CDH12: variants seen among roughly 807,000 people sequenced by gnomAD.
CDH12 encodes the protein cadherin-12.
In CDH12, 41 loss-of-function variants were observed where a neutral mutation model predicts 74.1. The observed-to-expected ratio is 0.55, with a 90% CI of 0.43 to 0.72. CDH12 has a LOEUF of 0.72. CDH12 is among the 30% of genes least tolerant of loss of function. The pLI is 0.00. For synonymous variants in CDH12, 399 were observed against 355.0 expected (o/e 1.12, Z -1.39); for missense variants, 945 against 977.2 (o/e 0.97, Z 0.44).
At chr5:22,326,987 T>C (rs1338930956) in intron 3 of CDH12, among the ~76,000 whole-genome samples, 2 of 152,194 alleles carry the variant, frequency 1.3e-5, no homozygotes, top group African/African-American at 2.4e-5. Context: ...CATTTTCTAA[T>C]TAGTAGAGAA....
chr5:22,316,435 C>A (rs1738637320), intron 3 of CDH12, among the ~76,000 whole-genome samples: 1 of 152,054 alleles, frequency 6.6e-6, no homozygotes, highest in Admixed American at 6.5e-5. Context: ...TCACTCAGTT[C>A]CATATAATGC....
At chr5:22,171,129 T>A (rs912507840) in intron 4 of CDH12, among the ~76,000 whole-genome samples, 2 of 151,876 alleles carry the variant, frequency 1.3e-5, no homozygotes, top group Non-Finnish European at 1.5e-5. Context: ...CTGAACAGCA[T>A]CATTGACAAG....
chr5:22,705,499 GCA>G lies in CDH12; in HGVS notation c.-523+147557_-523+147558del, dbSNP rs5866587. On this transcript the variant is annotated intron_variant, in intron 1 of 14. Coordinates refer to ENST00000382254, the MANE Select transcript of CDH12 (RefSeq NM_004061.5). ...GTTTCATTAAGAAATCAACACACAT[GCA>G]CACACACACACACACACACACACAC... Among the ~76,000 whole-genome samples the G allele has an allele frequency of 5.0e-3, 723 of 143,550 alleles. 6 individuals are homozygous for G. The highest frequency in any genetic ancestry group is 0.034 in the East Asian group (162 of 4,742). The allele number at this position is 143,550 out of a possible 152,430, so 94.2% of individuals were successfully genotyped here.
At chr5:22,606,693 A>G (rs928107762) in intron 1 of CDH12, among the ~76,000 whole-genome samples, 4 of 152,154 alleles carry the variant, frequency 2.6e-5, no homozygotes, top group Non-Finnish European at 4.4e-5. Context: ...GCAGTTCTTT[A>G]TATCAGCATG....
intron 4 of CDH12, among the ~76,000 whole-genome samples, chr5:22,103,870 T>C (rs948061974): frequency 1.3e-5 from 2 of 152,220 alleles, no homozygotes; most frequent in African/African-American, 2.4e-5. Context: ...AATGACACTA[T>C]GTAAGTAAAG....
chr5:22,225,210 C>T (rs1752154425), intron 3 of CDH12, among the ~76,000 whole-genome samples: 1 of 151,994 alleles, frequency 6.6e-6, no homozygotes, highest in South Asian at 2.1e-4. Context: ...ACTATATTTT[C>T]TTAGAATGAT....
Position 22,377,611 on chromosome 5 carries a change from C to A in CDH12, c.-333+27646G>T, listed in dbSNP as rs1346001442. On this transcript the variant is annotated intron_variant, in intron 3 of 14. Transcript: ENST00000382254. ...AGATCTGCAACTCCCCTCTCTCTGA[C>A]ATTCCTTCCTGGGCATCTGGATTCC... Among the ~76,000 whole-genome samples, 4 of 152,216 alleles carry A rather than the reference C, an allele frequency of 2.6e-5. No individual in the cohort carries two copies. The South Asian group carries it at 8.3e-4, about 31-fold the overall frequency.
chr5:22,285,840 G>A (rs1391970014), intron 3 of CDH12, among the ~76,000 whole-genome samples: 1 of 151,992 alleles, frequency 6.6e-6, no homozygotes, highest in Non-Finnish European at 1.5e-5. Context: ...TGAGAGCCCC[G>A]TGTATCAGGC....
At chr5:22,024,768 C>CT (rs1452413880) in intron 5 of CDH12, among the ~76,000 whole-genome samples, 1 of 152,146 alleles carries the variant, frequency 6.6e-6, no homozygotes, top group Non-Finnish European at 1.5e-5. Context: ...CCTGCCTCTG[C>CT]TTCCCAAAGT....
At position 22,180,210 on chromosome 5, in the gene CDH12, T is replaced by G. The variant is rs181344542; in HGVS notation, c.-187+32288A>C. Among the ~76,000 whole-genome samples the G allele has an allele frequency of 3.6e-3, 549 of 152,298 alleles. 6 individuals carry two copies. The highest frequency in any genetic ancestry group is 0.012 in the African/African-American group (518 of 41,564). ...ATTCGACTGCCTCATTTTGCTTTTT[T>G]TCCTACCTAACTCACCCTACAGCCA... On this transcript the variant is annotated intron_variant, in intron 4 of 14. Transcript: ENST00000382254.
intron 6 of CDH12, among the ~76,000 whole-genome samples, chr5:21,927,695 G>C (rs1754649139): frequency 6.6e-6 from 1 of 152,030 alleles, no homozygotes; most frequent in Non-Finnish European, 1.5e-5. Context: ...TTACTAGAGG[G>C]AAAGAACTGG....
chr5:21,904,670 C>T lies in CDH12; in HGVS notation c.527-49880G>A, dbSNP rs192166069. 3.2e-4 allele frequency among the ~76,000 whole-genome samples: 48 copies of T among 152,144 alleles called. No individual in the cohort carries two copies. In the East Asian group the frequency reaches 9.3e-3, roughly 29 times the overall value. On this transcript the variant is annotated intron_variant, in intron 6 of 14. Coordinates refer to ENST00000382254, the MANE Select transcript of CDH12 (RefSeq NM_004061.5). ...TGGCATGTGCCTGTAGTCCTAGCTA[C>T]TTGGGAGGCTGAGACAAAAGGATTG...
At chr5:22,041,495 C>A (rs114426753) in intron 5 of CDH12, among the ~76,000 whole-genome samples, 1,954 of 152,148 alleles carry the variant, frequency 0.013, 18 homozygotes, top group South Asian at 0.023. Flanking sequence ...GTATTCCATG[C>A]AAATGATAAG....
intron 1 of CDH12, among the ~76,000 whole-genome samples, chr5:22,797,327 G>A (rs928379101): frequency 1.3e-5 from 2 of 151,942 alleles, no homozygotes; most frequent in Non-Finnish European, 2.9e-5. Flanking sequence ...GGACTGCTCA[G>A]CCTCCAGAAT....
intron 7 of CDH12, among the ~76,000 whole-genome samples, chr5:21,849,857 GT>G (rs977958770): frequency 2.7e-4 from 41 of 151,760 alleles, no homozygotes; most frequent in African/African-American, 8.2e-4. Flanking sequence ...GCACTTTCAT[GT>G]TTATTGCAAC....
At chr5:22,359,183 C>A (rs1740692459) in intron 3 of CDH12, among the ~76,000 whole-genome samples, 1 of 152,058 alleles carries the variant, frequency 6.6e-6, no homozygotes, top group African/African-American at 2.4e-5. Context: ...TTCAGGAAAC[C>A]CATTTCATGT....
chr5:22,269,560 C>T (rs1386862827), intron 3 of CDH12, among the ~76,000 whole-genome samples: 1 of 152,084 alleles, frequency 6.6e-6, no homozygotes, highest in African/African-American at 2.4e-5. Flanking sequence ...GAGCAATTTA[C>T]ACCATGTCCA....
At chr5:22,077,870 C>G (rs1450552761) in intron 5 of CDH12, among the ~76,000 whole-genome samples, 1 of 152,086 alleles carries the variant, frequency 6.6e-6, no homozygotes, top group Non-Finnish European at 1.5e-5. Context: ...CATAAAGACA[C>G]TTATAAATAT....
intron 6 of CDH12, among the ~76,000 whole-genome samples, chr5:21,974,287 C>A (rs569975559): frequency 5.9e-5 from 9 of 151,738 alleles, no homozygotes; most frequent in African/African-American, 2.2e-4. Flanking sequence ...CCAGAAGTTA[C>A]TTTGAAATAA....
Sources: allele counts gnomAD v4.1 joint callset (sites outside exome capture counted in the v4.1 genomes callset), GRCh38; gene constraint gnomAD v4.1.1; transcripts MANE v1.5; gene names NCBI Gene and HGNC (gene_info 2026-07-23, HGNC 2026-07-21).